Variants in MAF observed in about 807,000 individuals in gnomAD.
MAF encodes MAF bZIP transcription factor.
MAF carries 10 observed loss-of-function variants against 22.0 expected under a neutral mutation model. The ratio of observed to expected loss-of-function variants is 0.45; its 90% confidence interval spans 0.28 to 0.77. The LOEUF is 0.77. Ranked by LOEUF, MAF falls within the 30% of genes least tolerant of loss-of-function variation. MAF has a pLI of 0.12. For synonymous variants in MAF, 337 were observed against 255.8 expected (o/e 1.32, Z -3.03); for missense variants, 544 against 548.4 (o/e 0.99, Z 0.08).
chr16:79,423,390 C>T, the MAF span, among the ~76,000 whole-genome samples: 2 of 152,054 alleles, frequency 1.3e-5, no homozygotes, highest in Non-Finnish European at 2.9e-5. Flanking sequence ...TGATGTCAGC[C>T]CCTCCTATAA....
chr16:79,388,340 T>C, the MAF span, among the ~76,000 whole-genome samples: 7 of 152,334 alleles, frequency 4.6e-5, no homozygotes, highest in South Asian at 1.4e-3. Context: ...CTAAATCATA[T>C]ACATGTTTAC....
chr16:79,587,842 C>G (rs149524710), intron 1 of MAF, among the ~76,000 whole-genome samples: 1,783 of 146,790 alleles, frequency 0.012, 14 homozygotes, highest in Middle Eastern at 0.018. Context: ...GGGAAACCAC[C>G]CTGTTATCAA....
At chr16:79,512,652 A>C in the MAF span, among the ~76,000 whole-genome samples, 1 of 152,184 alleles carries the variant, frequency 6.6e-6, no homozygotes, top group African/African-American at 2.4e-5. Context: ...TTATGAAAAC[A>C]ACTGTTTAAT....
chr16:79,570,928 G>T, the MAF span, among the ~76,000 whole-genome samples: 1 of 152,138 alleles, frequency 6.6e-6, no homozygotes, highest in African/African-American at 2.4e-5. Context: ...GATGCCGCCT[G>T]GGTTCCTTCA....
At chr16:79,322,904 A>C in the MAF span, among the ~76,000 whole-genome samples, 2 of 152,016 alleles carry the variant, frequency 1.3e-5, no homozygotes, top group Non-Finnish European at 2.9e-5. Flanking sequence ...TAATCCCAGC[A>C]CTTTGGGAGG....
At chr16:79,479,480 GT>G in the MAF span, among the ~76,000 whole-genome samples, 4 of 152,188 alleles carry the variant, frequency 2.6e-5, no homozygotes, top group Non-Finnish European at 5.9e-5. Flanking sequence ...CTGTGGTTCT[GT>G]ACTTGAATGG....
the MAF span, among the ~76,000 whole-genome samples, chr16:79,430,335 C>G: frequency 6.6e-6 from 1 of 152,248 alleles, no homozygotes; most frequent in Non-Finnish European, 1.5e-5. Context: ...GCACCTTCCC[C>G]CGGGCTGAGC....
the MAF span, among the ~76,000 whole-genome samples, chr16:79,279,764 G>A: frequency 6.6e-6 from 1 of 152,142 alleles, no homozygotes; most frequent in African/African-American, 2.4e-5. Context: ...CAGAGCTGCT[G>A]CTGCTTCTTT....
chr16:79,547,873 TGTGTGTGC>T, the MAF span, among the ~76,000 whole-genome samples: 2 of 130,404 alleles, frequency 1.5e-5, no homozygotes, highest in South Asian at 2.7e-4. Flanking sequence ...TCCTTGTGTG[TGTGTGTGC>T]GTGTGTGTGT....
At chr16:79,491,315 T>A in the MAF span, among the ~76,000 whole-genome samples, 1 of 152,290 alleles carries the variant, frequency 6.6e-6, no homozygotes, top group Middle Eastern at 3.4e-3. Context: ...AGCTGCCTCA[T>A]GAAATTAACC....
Position 79,599,081 on chromosome 16 carries a change from C to T in MAF, c.822G>A (p.Leu274=). The part of the protein sequence containing the change: ...EQLVTMSVRE[L]NRQLRGVSKE... ...TGCTGACCCCGCGCAGCTGCCGGTT[C>T]AGCTCGCGCACAGACATGGTCACCA... Residue 274 remains leucine, a synonymous_variant, in exon 1 of 2, where the codon CTG becomes CTA. Coordinates refer to ENST00000326043, the MANE Select transcript of MAF (RefSeq NM_005360.5). The T allele has an allele frequency of 6.2e-7, 1 of 1,609,866 alleles. No homozygotes were observed. The highest frequency in any genetic ancestry group is 8.5e-7 in the Non-Finnish European group (1 of 1,179,686).
At chr16:79,253,434 C>G in the MAF span, among the ~76,000 whole-genome samples, 3 of 152,170 alleles carry the variant, frequency 2.0e-5, no homozygotes, top group African/African-American at 7.2e-5. Context: ...TCAACTCCTC[C>G]CCTAGGTTCC....
the MAF span, among the ~76,000 whole-genome samples, chr16:79,433,708 G>A: frequency 6.6e-6 from 1 of 152,116 alleles, no homozygotes; most frequent in African/African-American, 2.4e-5. Context: ...AGCACACCTG[G>A]TGCCTTCTGT....
At chr16:79,399,032 A>G in the MAF span, among the ~76,000 whole-genome samples, 2 of 152,172 alleles carry the variant, frequency 1.3e-5, no homozygotes, top group East Asian at 3.9e-4. Context: ...CCCAGTTCTT[A>G]GCATTATGCC....
the MAF span, among the ~76,000 whole-genome samples, chr16:79,208,828 T>C: frequency 1.3e-5 from 2 of 152,190 alleles, no homozygotes; most frequent in African/African-American, 4.8e-5. Flanking sequence ...GAGGTTGCCA[T>C]TGGTACGGCT....
chr16:79,211,976 GGTAAA>G, the MAF span: 1 of 1,536,182 alleles, frequency 6.5e-7, no homozygotes, highest in Middle Eastern at 1.7e-4. Flanking sequence ...GAATTCCTGG[GGTAAA>G]GTATCACTTT....
chr16:79,433,102 A>G, the MAF span, among the ~76,000 whole-genome samples: 1 of 152,130 alleles, frequency 6.6e-6, no homozygotes. Flanking sequence ...GCAAAGCTAC[A>G]TAATCCCACA....
chr16:79,247,006 G>A, the MAF span, among the ~76,000 whole-genome samples: 2 of 152,160 alleles, frequency 1.3e-5, no homozygotes, highest in Admixed American at 6.5e-5. Flanking sequence ...ATCAATAAAC[G>A]AGAACATCAG....
chr16:79,416,884 G>C, the MAF span, among the ~76,000 whole-genome samples: 1 of 152,170 alleles, frequency 6.6e-6, no homozygotes, highest in African/African-American at 2.4e-5. Flanking sequence ...GAAGATGGTA[G>C]ACAGCCTTTT....
Sources: allele counts gnomAD v4.1 joint callset (sites outside exome capture counted in the v4.1 genomes callset), GRCh38; gene constraint gnomAD v4.1.1; transcripts MANE v1.5; gene names NCBI Gene and HGNC (gene_info 2026-07-23, HGNC 2026-07-21).